The following ANKMY2 variants were observed in gnomAD, a reference collection of about 807,000 sequenced individuals.
ANKMY2 encodes the protein ankyrin repeat and MYND domain containing 2.
Under a neutral mutation model 50.4 loss-of-function variants are expected in ANKMY2, and 36 were observed. The ratio of observed to expected loss-of-function variants is 0.71; its 90% CI spans 0.55 to 0.94. The LOEUF is 0.94. ANKMY2 is among the 40% of genes least tolerant of loss of function. ANKMY2 has a pLI of 0.00. For synonymous variants in ANKMY2, 187 were observed against 178.8 expected (o/e 1.05, Z -0.36); for missense variants, 565 against 524.0 (o/e 1.08, Z -0.76).
intron 7 of ANKMY2, among the ~76,000 whole-genome samples, chr7:16,605,218 T>C (rs1781134063): frequency 6.6e-6 from 1 of 152,242 alleles, no homozygotes; most frequent in Admixed American, 6.5e-5. Flanking sequence ...AATATTCATA[T>C]TCCATGAGAC....
chr7:16,609,094 T>A (rs933364625), intron 7 of ANKMY2, among the ~76,000 whole-genome samples: 1 of 152,178 alleles, frequency 6.6e-6, no homozygotes, highest in African/African-American at 2.4e-5. Context: ...ACTTATATAG[T>A]GGGTAAGTAT....
Position 16,606,351 on chromosome 7 carries a change from T to A in ANKMY2, c.883-1502A>T, listed in dbSNP as rs560638783. 2.0e-5 allele frequency among the ~76,000 whole-genome samples: 3 copies of A among 151,766 alleles called. No individual in the cohort carries two copies. In the South Asian group the frequency reaches 6.2e-4, roughly 32 times the overall value. On this transcript the variant is annotated intron_variant, in intron 7 of 9. Coordinates refer to ENST00000306999, the MANE Select transcript of ANKMY2 (RefSeq NM_020319.3). ...GGCTGAGGCAGAAGGATCACCTGAG[T>A]CCGGGAGGCAGAGGTTGCAGTAAGC...
intron 1 of ANKMY2, among the ~76,000 whole-genome samples, chr7:16,640,354 T>G (rs1245756165): frequency 6.6e-6 from 1 of 152,086 alleles, no homozygotes; most frequent in Non-Finnish European, 1.5e-5. Flanking sequence ...ACAATATAAT[T>G]CATTGTAACA....
At chr7:16,631,365 T>C (rs62440989) in intron 2 of ANKMY2, among the ~76,000 whole-genome samples, 15,646 of 152,244 alleles carry the variant, frequency 0.1, 1,079 homozygotes, top group Non-Finnish European at 0.14. Context: ...ATTGGGTCCA[T>C]AGTTTTGTGA....
At chr7:16,602,351 C>T in intron 9 of ANKMY2, 29 bp downstream of exon 9, 1 of 1,603,880 alleles carries the variant, frequency 6.2e-7, no homozygotes, top group Non-Finnish European at 8.5e-7. Flanking sequence ...CACTAAAAAG[C>T]AGAGTGAACT....
rs1258899323 is a variant in ANKMY2, at chr7:16,645,625, A to T, written c.-52T>A. 1 of 1,584,022 alleles carries T rather than the reference A, an allele frequency of 6.3e-7. No individual in the cohort carries two copies. The highest frequency in any genetic ancestry group is 8.6e-7 in the Non-Finnish European group (1 of 1,164,832). Reference sequence around the variant, plus strand: ...CCTTTCTTAGGGAGTATTAAAAAAGAAACGATGCGTCTGTATTGGGAACGC... The same window carrying T: ...CCTTTCTTAGGGAGTATTAAAAAAGTAACGATGCGTCTGTATTGGGAACGC... On this transcript the variant is annotated 5_prime_UTR_variant, in exon 1 of 10. Transcript: ENST00000306999.
At chr7:16,602,534 T>C (rs1271053367) in intron 8 of ANKMY2, 25 bp from the exon 9 acceptor site, 1 of 1,604,478 alleles carries the variant, frequency 6.2e-7, no homozygotes, top group Non-Finnish European at 8.5e-7. Flanking sequence ...TGGTTTATTT[T>C]CATTTCCAGA....
At chr7:16,601,329 T>C (rs1466864893) in intron 9 of ANKMY2, among the ~76,000 whole-genome samples, 1 of 152,248 alleles carries the variant, frequency 6.6e-6, no homozygotes, top group African/African-American at 2.4e-5. Flanking sequence ...ATGCAGGTAA[T>C]AAAGGCTATC....
At position 16,627,171 on chromosome 7, in the gene ANKMY2, A is replaced by G. The variant is rs1781518223; in HGVS notation, c.140T>C (p.Met47Thr). Residue 47 changes from methionine to threonine, a missense_variant, in exon 3 of 10, where the codon ATG becomes ACG. Physicochemically the swap from Met to Thr is moderately conservative, Grantham distance 81 (BLOSUM62 -1). Transcript: ENST00000306999. ...ATATGCTGCATGCATTAGAGGAGTC[A>G]TTCCATTCTTTAATAGAAAGAGGAA... Reference protein sequence around the residue: ...VRVNCLDENGMTPLMHAAYKG... With the variant: ...VRVNCLDENGTTPLMHAAYKG... 6 of 1,581,264 alleles carry G rather than the reference A, an allele frequency of 3.8e-6. No homozygotes were observed. The highest frequency in any genetic ancestry group is 4.3e-6 in the Non-Finnish European group (5 of 1,161,000).
In ANKMY2 at chr7:16,636,419, T is replaced by C. The variant is rs1257592801; in HGVS notation, c.104A>G (p.Lys35Arg). 2 of 1,603,326 alleles carry C rather than the reference T, an allele frequency of 1.2e-6. No homozygotes were observed. Among genetic ancestry groups the C allele is most frequent in the South Asian group, 1.1e-5 (1 of 89,088 alleles). The change falls in exon 2 of 10, where the codon AAG becomes AGG. Residue 35 changes from lysine (K) to arginine (R), a missense_variant. Physicochemically the swap from Lys to Arg is conservative, Grantham distance 26. Coordinates refer to ENST00000306999, the MANE Select transcript of ANKMY2 (RefSeq NM_020319.3). ...VQEAGTLLSSKNVRVNCLDEN... is the reference protein window; with the variant it reads ...VQEAGTLLSSRNVRVNCLDEN... ...GTCCAAACAGTTGACACGAACATTC[T>C]TGCTGGATAATAATGTTCCAGCTTC...
At chr7:16,617,937 T>G (rs1781380639) in intron 4 of ANKMY2, among the ~76,000 whole-genome samples, 1 of 147,524 alleles carries the variant, frequency 6.8e-6, no homozygotes, top group Admixed American at 6.7e-5. Flanking sequence ...TTTTTTTTTT[T>G]TTTTGGGTGA....
chr7:16,609,226 T>C (rs1781206784), intron 7 of ANKMY2, among the ~76,000 whole-genome samples: 1 of 152,182 alleles, frequency 6.6e-6, no homozygotes, highest in African/African-American at 2.4e-5. Flanking sequence ...CTTATCCCAC[T>C]ACATCCCCAC....
At chr7:16,606,464 T>A (rs1781163729) in intron 7 of ANKMY2, among the ~76,000 whole-genome samples, 1 of 152,112 alleles carries the variant, frequency 6.6e-6, no homozygotes, top group Non-Finnish European at 1.5e-5. Context: ...AGCATTTATC[T>A]GTCTGAGACG....
At chr7:16,616,140 G>A (rs1316153458) in intron 4 of ANKMY2, among the ~76,000 whole-genome samples, 1 of 152,096 alleles carries the variant, frequency 6.6e-6, no homozygotes, top group Non-Finnish European at 1.5e-5. Flanking sequence ...AAATACATAC[G>A]AAGATTATGT....
intron 2 of ANKMY2, among the ~76,000 whole-genome samples, chr7:16,634,391 T>C (rs1781628530): frequency 6.6e-6 from 1 of 152,140 alleles, no homozygotes; most frequent in Non-Finnish European, 1.5e-5. Context: ...AGAGGGTTTA[T>C]AGGTTACAGT....
chr7:16,623,423 AAAG>A lies in ANKMY2; in HGVS notation c.370+1557_370+1559del, dbSNP rs556377495. Among the ~76,000 whole-genome samples the A allele has an allele frequency of 3.3e-5, 5 of 152,338 alleles. No homozygotes were observed. The East Asian group carries it at 7.7e-4, about 23-fold the overall frequency. On this transcript the variant is annotated intron_variant, in intron 4 of 9. Coordinates refer to ENST00000306999, the MANE Select transcript of ANKMY2 (RefSeq NM_020319.3). ...GAAAGGAGCATTGTGTTAATGCCTGAAAGAAGAGACTCCTCCATTTCCAGACCT... is the reference window on the plus strand; with the variant it reads ...GAAAGGAGCATTGTGTTAATGCCTGAAAGAGACTCCTCCATTTCCAGACCT...
intron 7 of ANKMY2, among the ~76,000 whole-genome samples, chr7:16,605,443 AACTT>A (rs1228673012): frequency 2.0e-5 from 3 of 152,208 alleles, no homozygotes; most frequent in Non-Finnish European, 1.5e-5. Context: ...AAATGTGTGA[AACTT>A]ACTACTAGTG....
At chr7:16,639,187 T>A (rs1240649722) in intron 1 of ANKMY2, among the ~76,000 whole-genome samples, 1 of 152,384 alleles carries the variant, frequency 6.6e-6, no homozygotes, top group Non-Finnish European at 1.5e-5. Context: ...GTGAAACACA[T>A]GGCTCACACA....
chr7:16,640,161 T>A (rs1162499041), intron 1 of ANKMY2, among the ~76,000 whole-genome samples: 3 of 151,978 alleles, frequency 2.0e-5, no homozygotes, highest in African/African-American at 7.2e-5. Flanking sequence ...AGCGAGACTC[T>A]GTCTCAAAAA....
Sources: gnomAD v4.1 joint callset for allele counts (sites outside exome capture counted in the v4.1 genomes callset) on GRCh38, gnomAD v4.1.1 for gene constraint, MANE v1.5 for transcripts, NCBI Gene and HGNC (gene_info 2026-07-23, HGNC 2026-07-21) for gene names.